ATP2C1: variants seen among roughly 807,000 people sequenced by gnomAD.
The protein encoded by ATP2C1 is calcium-transporting ATPase type 2C member 1.
Under a neutral mutation model 120.5 loss-of-function variants are expected in ATP2C1, and 31 were observed. That is an observed-to-expected ratio of 0.26 (90% CI 0.19 to 0.35). ATP2C1 has a LOEUF of 0.35. ATP2C1 is among the 10% of genes least tolerant of loss of function. ATP2C1 has a pLI of 1.00. For synonymous variants in ATP2C1, 351 were observed against 358.7 expected, an observed-to-expected ratio of 0.98 and a Z score of 0.24; for missense variants, 731 against 1,107.5, an observed-to-expected ratio of 0.66 and a Z score of 4.83.
At chr3:130,851,831 A>C (rs1429815038) in intron 1 of ATP2C1, among the ~76,000 whole-genome samples, 1 of 152,196 alleles carries the variant, frequency 6.6e-6, no homozygotes, top group Non-Finnish European at 1.5e-5. Flanking sequence ...TAGAACTGCA[A>C]AACTATGCAG....
intron 6 of ATP2C1, among the ~76,000 whole-genome samples, chr3:130,939,003 A>G (rs2059786785): frequency 6.6e-6 from 1 of 152,220 alleles, no homozygotes; most frequent in East Asian, 1.9e-4. Flanking sequence ...TGTTTATGAT[A>G]GGTACATTTG....
intron 12 of ATP2C1, chr3:130,962,915 T>C (rs2060887189): frequency 6.6e-6 from 1 of 151,638 alleles, no homozygotes; most frequent in Non-Finnish European, 1.5e-5. Context: ...AAATAAAGCA[T>C]GAAAAAGTCA....
intron 2 of ATP2C1, among the ~76,000 whole-genome samples, chr3:130,915,638 G>A (rs967261443): frequency 2.0e-5 from 3 of 152,134 alleles, no homozygotes; most frequent in Admixed American, 1.3e-4. Context: ...TGATAGTTAC[G>A]TGGTAGGGGA....
At chr3:130,860,285 C>T (rs1576526691) in intron 1 of ATP2C1, among the ~76,000 whole-genome samples, 1 of 152,256 alleles carries the variant, frequency 6.6e-6, no homozygotes, top group East Asian at 1.9e-4. Flanking sequence ...CAGACAGTCC[C>T]ATGTCTTGAC....
At chr3:130,862,314 CTTTATTTATTTATTTA>C (rs56326023) in intron 1 of ATP2C1, among the ~76,000 whole-genome samples, 9 of 138,074 alleles carry the variant, frequency 6.5e-5, no homozygotes, top group African/African-American at 2.1e-4. Context: ...TACTTATTCA[CTTTATTTATTTATTTA>C]TTTATTTATT....
intron 2 of ATP2C1, among the ~76,000 whole-genome samples, chr3:130,907,630 C>T (rs1416801857): frequency 6.6e-6 from 1 of 151,216 alleles, no homozygotes; most frequent in Non-Finnish European, 1.5e-5. Context: ...GTTTATATGT[C>T]TTTGCTGATG....
chr3:130,944,385 T>C (rs1311510754), intron 8 of ATP2C1, among the ~76,000 whole-genome samples: 2 of 152,302 alleles, frequency 1.3e-5, no homozygotes, highest in East Asian at 3.9e-4. Flanking sequence ...TTTTCACAGT[T>C]ACGGAGGCTG....
At position 130,997,545 on chromosome 3, in the gene ATP2C1, GA is replaced by G. The variant is rs2062686224; in HGVS notation, c.2244-58del. The G allele has an allele frequency of 1.1e-5, 16 of 1,522,528 alleles. No homozygotes were observed. The Admixed American group carries it at 2.7e-4, about 25-fold the overall frequency. 94.3% of individuals were successfully genotyped at this position (1,522,528 alleles called of 1,614,324 possible). A position where few individuals can be genotyped will look rare whatever the true frequency, so the allele number is the denominator to read the frequency against. On this transcript the variant is annotated intron_variant, in intron 24 of 27. Transcript: ENST00000510168. Reference sequence around the variant, plus strand: ...GAATAATTGAGGTTAGTGAGGTTGTGAAAGTAACAAATCCAGACCTTAAAAC... The same window carrying G: ...GAATAATTGAGGTTAGTGAGGTTGTGAAGTAACAAATCCAGACCTTAAAAC...
chr3:130,861,289 T>C (rs1011529368), intron 1 of ATP2C1, among the ~76,000 whole-genome samples: 1 of 152,122 alleles, frequency 6.6e-6, no homozygotes. Context: ...ATCAGGGTTC[T>C]CTAGGAGGTG....
upstream of ATP2C1, among the ~76,000 whole-genome samples, chr3:130,892,143 T>C (rs1193924795): frequency 2.0e-5 from 3 of 152,238 alleles, no homozygotes; most frequent in Non-Finnish European, 4.4e-5. Context: ...TATTGCAGTA[T>C]ATTAATACAA....
chr3:130,992,843 TA>T lies in ATP2C1; in HGVS notation c.1840-105del. ...CTTAAGCTTGATCTCAGTGGCAAAT[TA>T]AATACAGCTTAAATTGATGAGTTTT... is the stretch of plus-strand genomic sequence containing the variant. On this transcript the variant is annotated intron_variant, in intron 20 of 27. Transcript: ENST00000510168. The T allele has an allele frequency of 6.7e-6, 6 of 890,566 alleles. No homozygotes were observed. In the South Asian group the frequency reaches 8.3e-5, roughly 12 times the overall value. 55.2% of individuals were successfully genotyped at this position (890,566 alleles called of 1,614,324 possible). A position where few individuals can be genotyped will look rare whatever the true frequency, so the allele number is the denominator to read the frequency against.
intron 1 of ATP2C1, among the ~76,000 whole-genome samples, chr3:130,852,763 C>G (rs1020383953): frequency 2.0e-5 from 3 of 152,274 alleles, no homozygotes; most frequent in African/African-American, 7.2e-5. Flanking sequence ...TTATGACCTG[C>G]ATATTTGTTG....
At chr3:130,967,006 C>G in intron 14 of ATP2C1, 139 bp from the exon 15 acceptor site, 3 of 722,338 alleles carry the variant, frequency 4.2e-6, no homozygotes, top group Non-Finnish European at 7.5e-6. Flanking sequence ...AATTTTAATG[C>G]TTTTCTAGGT....
intron 9 of ATP2C1, 151 bp downstream of exon 9, chr3:130,954,127 A>G: frequency 1.2e-6 from 1 of 805,756 alleles, no homozygotes; most frequent in Non-Finnish European, 2.0e-6. Flanking sequence ...GAAACTGGGG[A>G]GAATCTGTGT....
intron 20 of ATP2C1, 43 bp downstream of exon 20, chr3:130,980,722 T>G: frequency 7.3e-7 from 1 of 1,375,006 alleles, no homozygotes; most frequent in South Asian, 1.2e-5. Context: ...GGCCTTATTC[T>G]AAGTGTTACC....
chr3:130,873,603 TAA>T (rs1159334354), intron 1 of ATP2C1, among the ~76,000 whole-genome samples: 2 of 152,192 alleles, frequency 1.3e-5, no homozygotes, highest in African/African-American at 4.8e-5. Flanking sequence ...GGAAAAAATA[TAA>T]GTTTTTTAAA....
At chr3:130,974,846 A>G (rs1433064130) in intron 17 of ATP2C1, among the ~76,000 whole-genome samples, 1 of 152,180 alleles carries the variant, frequency 6.6e-6, no homozygotes, top group Non-Finnish European at 1.5e-5. Flanking sequence ...GAAGCGTTGA[A>G]CAGGAAACTG....
At chr3:131,014,294 C>G (rs1169664926) in intron 26 of ATP2C1, 1 of 1,613,854 alleles carries the variant, frequency 6.2e-7, no homozygotes, top group Admixed American at 1.7e-5. Flanking sequence ...CATAAAGTTG[C>G]TTAGCCTCAG....
chr3:130,935,560 A>G (rs913981686), intron 5 of ATP2C1, among the ~76,000 whole-genome samples: 1 of 152,206 alleles, frequency 6.6e-6, no homozygotes, highest in Non-Finnish European at 1.5e-5. Context: ...TATTGCTTGC[A>G]GTATCCCAGG....
Sources: allele counts gnomAD v4.1 joint callset (sites outside exome capture counted in the v4.1 genomes callset), GRCh38; gene constraint gnomAD v4.1.1; transcripts MANE v1.5; gene names NCBI Gene and HGNC (gene_info 2026-07-23, HGNC 2026-07-21).